The following SEMA3E variants were observed in gnomAD, a reference collection of about 807,000 sequenced individuals.
The protein encoded by SEMA3E is semaphorin-3E.
A neutral mutation model predicts 93.6 loss-of-function variants in SEMA3E; 49 were observed. The observed-to-expected ratio is 0.52, with a 90% CI of 0.42 to 0.66. The LOEUF (loss-of-function observed/expected upper bound fraction) is 0.66, where lower values mean the gene tolerates loss of function less well. SEMA3E is among the 30% of genes least tolerant of loss of function. The pLI, the probability that SEMA3E is intolerant of heterozygous loss-of-function variation, is 0.00. For missense variants in SEMA3E, 906 were observed against 964.8 expected (o/e 0.94, Z 0.81); for synonymous variants, 363 against 330.7 (o/e 1.10, Z -1.06).
chr7:83,467,058 T>TTTC (rs1554329414), intron 3 of SEMA3E, among the ~76,000 whole-genome samples: 3 of 4,210 alleles, frequency 7.1e-4, no homozygotes, highest in Non-Finnish European at 4.4e-3. Flanking sequence ...ATATGCAGTC[T>TTTC]TTTTTTTTTT....
At chr7:83,538,327 T>G (rs1044306857) in intron 1 of SEMA3E, among the ~76,000 whole-genome samples, 2 of 152,192 alleles carry the variant, frequency 1.3e-5, no homozygotes, top group African/African-American at 4.8e-5. Context: ...TGAGTTCTGA[T>G]TTCCCACATC....
At chr7:83,400,000 ATC>A (rs754113811) in intron 11 of SEMA3E, 26 bp downstream of exon 11, 2 of 1,501,224 alleles carry the variant, frequency 1.3e-6, no homozygotes, top group Non-Finnish European at 1.9e-6. Context: ...CAATTTAAAT[ATC>A]TCTGAGTACT....
At chr7:83,572,667 A>G (rs1017646931) in intron 1 of SEMA3E, among the ~76,000 whole-genome samples, 4 of 152,032 alleles carry the variant, frequency 2.6e-5, no homozygotes, top group East Asian at 1.9e-4. Flanking sequence ...AAAAAAACAA[A>G]AAAAACAGAT....
intron 1 of SEMA3E, among the ~76,000 whole-genome samples, chr7:83,552,769 C>T (rs1217542178): frequency 1.3e-5 from 2 of 152,054 alleles, no homozygotes; most frequent in African/African-American, 4.8e-5. Context: ...AAAACTCCAC[C>T]CTGGCAAATT....
intron 1 of SEMA3E, among the ~76,000 whole-genome samples, chr7:83,495,570 G>A (rs909864929): frequency 6.6e-6 from 1 of 151,682 alleles, no homozygotes; most frequent in Non-Finnish European, 1.5e-5. Context: ...GAAACATGGG[G>A]AAAAACATAC....
At chr7:83,411,103 A>C (rs1273038792) in intron 5 of SEMA3E, among the ~76,000 whole-genome samples, 1 of 152,110 alleles carries the variant, frequency 6.6e-6, no homozygotes, top group African/African-American at 2.4e-5. Flanking sequence ...GATTTATCCT[A>C]ATTTGGAACA....
chr7:83,637,833 G>A (rs1471265776), intron 1 of SEMA3E, among the ~76,000 whole-genome samples: 5 of 135,634 alleles, frequency 3.7e-5, no homozygotes, highest in East Asian at 2.1e-4. Context: ...CTAATTTAAC[G>A]TATATTTTAG....
At chr7:83,504,680 A>T (rs930991610) in intron 1 of SEMA3E, among the ~76,000 whole-genome samples, 62 of 152,266 alleles carry the variant, frequency 4.1e-4, no homozygotes, top group African/African-American at 1.5e-3. Flanking sequence ...TCTGGCAATT[A>T]TCAGTTAGTA....
intron 1 of SEMA3E, among the ~76,000 whole-genome samples, chr7:83,607,674 G>A (rs1260015518): frequency 6.6e-6 from 1 of 152,158 alleles, no homozygotes; most frequent in East Asian, 1.9e-4. Flanking sequence ...CAAAGAAGAA[G>A]TAAATGTGGA....
At chr7:83,598,517 C>T (rs1397375014) in intron 1 of SEMA3E, among the ~76,000 whole-genome samples, 1 of 152,098 alleles carries the variant, frequency 6.6e-6, no homozygotes, top group African/African-American at 2.4e-5. Flanking sequence ...TTTGCTTGCC[C>T]ATATAGATAA....
chr7:83,446,592 A>C (rs1046734527), intron 4 of SEMA3E, among the ~76,000 whole-genome samples: 1 of 152,184 alleles, frequency 6.6e-6, no homozygotes, highest in Non-Finnish European at 1.5e-5. Flanking sequence ...AAAGCAGTGG[A>C]AGGTATAGAT....
Position 83,408,428 on chromosome 7 carries a change from G to A in SEMA3E, c.610C>T (p.Arg204Cys), listed in dbSNP as rs376411187. Reference sequence around the variant, plus strand: ...ATATGGGCCAGTCGCCCCATGCTGCGGAAGATCGCAGCGTCTCTGCTCCAG... The same window carrying A: ...ATATGGGCCAGTCGCCCCATGCTGCAGAAGATCGCAGCGTCTCTGCTCCAG... ...DYWSRDAAIF[R>C]SMGRLAHIRT... Residue 204 changes from arginine (R) to cysteine (C), a missense_variant, in exon 6 of 17, where the codon CGC becomes TGC. Physicochemically the swap from Arg to Cys is radical, Grantham distance 180. Coordinates refer to ENST00000643230, the MANE Select transcript of SEMA3E (RefSeq NM_012431.3). 10 of 1,613,714 alleles carry A rather than the reference G, an allele frequency of 6.2e-6. No individual in the cohort carries two copies. The highest frequency in any genetic ancestry group is 1.1e-5 in the South Asian group (1 of 91,078).
intron 1 of SEMA3E, among the ~76,000 whole-genome samples, chr7:83,630,562 G>A (rs536665880): frequency 6.6e-6 from 1 of 152,226 alleles, no homozygotes; most frequent in South Asian, 2.1e-4. Flanking sequence ...TCTGTCATGT[G>A]TTATCTTCTG....
chr7:83,614,222 C>G (rs1328521204), intron 1 of SEMA3E, among the ~76,000 whole-genome samples: 1 of 151,960 alleles, frequency 6.6e-6, no homozygotes. Context: ...GTAAATTGAG[C>G]TTTTCACATT....
chr7:83,619,904 C>CAGACAGACAGACAGACAGAT lies in SEMA3E; in HGVS notation c.115+28523_115+28524insATCTGTCTGTCTGTCTGTCT, dbSNP rs71522672. ...GATAGATGATAGATAGATAGATAGA[C>CAGACAGACAGACAGACAGAT]AGATAGATAGATAGATAGACAGATA... is the stretch of plus-strand genomic sequence containing the variant. On this transcript the variant is annotated intron_variant, in intron 1 of 16. Transcript: ENST00000643230. Among the ~76,000 whole-genome samples, 244 of 148,142 alleles carry CAGACAGACAGACAGACAGAT rather than the reference C, an allele frequency of 1.6e-3. 1 individual carries two copies. The highest frequency in any genetic ancestry group is 0.012 in the East Asian group (62 of 5,042).
intron 1 of SEMA3E, among the ~76,000 whole-genome samples, chr7:83,501,829 A>G (rs1790603088): frequency 2.0e-5 from 3 of 152,226 alleles, no homozygotes; most frequent in African/African-American, 4.8e-5. Flanking sequence ...AATCCATCTT[A>G]TAACAACAAA....
intron 1 of SEMA3E, among the ~76,000 whole-genome samples, chr7:83,572,268 A>G (rs528615645): frequency 7.9e-4 from 120 of 152,306 alleles, no homozygotes; most frequent in Admixed American, 2.9e-3. Context: ...GAGTAGCCAA[A>G]GCAATCCAAA....
intron 16 of SEMA3E, among the ~76,000 whole-genome samples, chr7:83,379,639 T>C (rs1787739455): frequency 1.3e-5 from 2 of 151,884 alleles, no homozygotes; most frequent in South Asian, 4.1e-4. Context: ...TAAGGTAAGC[T>C]ATACTAGAGG....
chr7:83,638,766 G>A (rs924700356), intron 1 of SEMA3E, among the ~76,000 whole-genome samples: 28 of 152,056 alleles, frequency 1.8e-4, no homozygotes, highest in African/African-American at 6.3e-4. Context: ...ACACAGCCCA[G>A]TGTTTCTCAT....
Sources: allele counts gnomAD v4.1 joint callset (sites outside exome capture counted in the v4.1 genomes callset), GRCh38; gene constraint gnomAD v4.1.1; transcripts MANE v1.5; gene names NCBI Gene and HGNC (gene_info 2026-07-23, HGNC 2026-07-21).